The following ZCCHC4 variants were observed in gnomAD, a reference collection of about 807,000 sequenced individuals.
The protein encoded by ZCCHC4 is rRNA N(6)-adenosine-methyltransferase ZCCHC4.
A neutral mutation model predicts 67.7 loss-of-function variants in ZCCHC4; 54 were observed. The observed-to-expected ratio is 0.80, with a 90% CI of 0.64 to 1.00. ZCCHC4 has a LOEUF of 1.00. Among genes scored for constraint, ZCCHC4 ranks in the 50% least tolerant of loss-of-function variants. The probability of loss-of-function intolerance (pLI) is 0.00; values close to 1 mark genes in which losing one functional copy is unlikely to be tolerated. For missense variants in ZCCHC4, 609 were observed against 617.0 expected, an observed-to-expected ratio of 0.99 and a Z score of 0.14; for synonymous variants, 198 against 213.5, an observed-to-expected ratio of 0.93 and a Z score of 0.63.
At position 25,365,099 on chromosome 4, in the gene ZCCHC4, A is replaced by G. The variant is rs1291704300; in HGVS notation, c.1339A>G (p.Ile447Val). 1.2e-6 allele frequency: 2 copies of G among 1,614,180 alleles called. No homozygotes were observed. The highest frequency in any genetic ancestry group is 1.7e-6 in the Non-Finnish European group (2 of 1,180,012). The change falls in exon 12 of 13, where the codon ATT (isoleucine) becomes GTT (valine). Residue 447 changes from isoleucine to valine, a missense_variant. Coordinates refer to ENST00000302874, the MANE Select transcript of ZCCHC4 (RefSeq NM_024936.3). ...SCEGPKHGCF[I>V]CGELDHKRST... The stretch of plus-strand genomic sequence containing the variant: ...TGAGGGCCCCAAACATGGCTGCTTT[A>G]TTTGTGGTGAACTGGATCATAAACG...
Position 25,354,905 on chromosome 4 carries a change from CTT to C in ZCCHC4, c.1011+3235_1011+3236del, listed in dbSNP as rs61156499. ...CTTTTCCCATAGACCTTGATTAGGC[CTT>C]TTTTTTTTTTTTTTTTTTGGACATC... On this transcript the variant is annotated intron_variant, in intron 8 of 12. Transcript: ENST00000302874. 5.4e-3 allele frequency among the ~76,000 whole-genome samples: 551 copies of C among 101,500 alleles called. 5 individuals are homozygous for C. The highest frequency in any genetic ancestry group is 0.02 in the African/African-American group (506 of 25,426). 66.6% of individuals were successfully genotyped at this position (101,500 alleles called of 152,430 possible). A position where few individuals can be genotyped will look rare whatever the true frequency, so the allele number is the denominator to read the frequency against.
rs758999365 is a variant in ZCCHC4, at chr4:25,312,891, G to A, written c.82G>A (p.Val28Met). 1 of 1,612,964 alleles carries A rather than the reference G, an allele frequency of 6.2e-7. No individual in the cohort carries two copies. The highest frequency in any genetic ancestry group is 1.1e-5 in the South Asian group (1 of 91,020). ...GCRGSSGMEVVLPLDPAVPAP... is the reference protein window; with the variant it reads ...GCRGSSGMEVMLPLDPAVPAP... ...CCGGGGAAGCTCGGGAATGGAGGTGGTGCTTCCTTTGGATCCTGCCGTCCC... is the reference window on the plus strand; with the variant it reads ...CCGGGGAAGCTCGGGAATGGAGGTGATGCTTCCTTTGGATCCTGCCGTCCC... Residue 28 changes from valine to methionine, a missense_variant, in exon 1 of 13, where the codon GTG (valine) becomes ATG (methionine). By Grantham distance (21) the Val-to-Met change is conservative. Transcript: ENST00000302874.
chr4:25,349,161 T>C (rs1720166201), intron 6 of ZCCHC4, among the ~76,000 whole-genome samples: 1 of 152,224 alleles, frequency 6.6e-6, no homozygotes. Flanking sequence ...AAATTGAATT[T>C]AACATTTTAG....
chr4:25,331,403 C>T (rs1719174289), intron 3 of ZCCHC4, among the ~76,000 whole-genome samples: 1 of 152,080 alleles, frequency 6.6e-6, no homozygotes, highest in African/African-American at 2.4e-5. Context: ...CTCCTGGGCT[C>T]AAGTGATCCT....
intron 3 of ZCCHC4, among the ~76,000 whole-genome samples, chr4:25,331,570 G>A (rs1719183491): frequency 6.6e-6 from 1 of 152,210 alleles, no homozygotes; most frequent in Admixed American, 6.5e-5. Flanking sequence ...GGCTCCCAAA[G>A]TGCTGGGATT....
chr4:25,355,207 C>CT (rs1284948612), intron 8 of ZCCHC4, among the ~76,000 whole-genome samples: 1 of 152,174 alleles, frequency 6.6e-6, no homozygotes, highest in Admixed American at 6.5e-5. Flanking sequence ...AGTCAGAAGT[C>CT]TGAGTCCTGG....
intron 3 of ZCCHC4, among the ~76,000 whole-genome samples, chr4:25,316,057 A>G (rs1458661621): frequency 6.6e-6 from 1 of 152,156 alleles, no homozygotes; most frequent in Non-Finnish European, 1.5e-5. Context: ...TGTGTACCTC[A>G]TACAAGTGAG....
rs142150052 is a variant in ZCCHC4 at position 25,330,218 on chromosome 4, T to G, written c.330-2965T>G. Among the ~76,000 whole-genome samples the G allele has an allele frequency of 6.8e-3, 1,028 of 152,296 alleles. 10 individuals are homozygous for G. The highest frequency in any genetic ancestry group is 0.023 in the African/African-American group (966 of 41,572). On this transcript the variant is annotated intron_variant, in intron 3 of 12. Transcript: ENST00000302874. ...GTTGGCCAGGCTGGTCTCAAACTCC[T>G]GACCTCAGGTGATCCACTGACCTCA... is the stretch of plus-strand genomic sequence containing the variant.
Position 25,362,368 on chromosome 4 carries a change from ATTAC to A in ZCCHC4, c.1209+70_1209+73del, listed in dbSNP as rs1255838844. Reference sequence around the variant, plus strand: ...CATTTTATTTTAGTTTACTAGTTTTATTACTTTTTCAATGTTATTTTGTTAATAG... The same window carrying A: ...CATTTTATTTTAGTTTACTAGTTTTATTTTTCAATGTTATTTTGTTAATAG... On this transcript the variant is annotated intron_variant, in intron 10 of 12. Coordinates refer to ENST00000302874, the MANE Select transcript of ZCCHC4 (RefSeq NM_024936.3). 5 of 1,093,886 alleles carry A rather than the reference ATTAC, an allele frequency of 4.6e-6. No individual in the cohort carries two copies. The African/African-American group carries it at 8.1e-5, about 18-fold the overall frequency. 67.8% of individuals were successfully genotyped at this position (1,093,886 alleles called of 1,614,324 possible). A position where few individuals can be genotyped will look rare whatever the true frequency, so the allele number is the denominator to read the frequency against.
chr4:25,368,909 A>G, intron 12 of ZCCHC4, 120 bp from the exon 13 acceptor site: 1 of 1,212,206 alleles, frequency 8.2e-7, no homozygotes, highest in East Asian at 2.6e-5. Context: ...TGCTTGCAAT[A>G]CAGTAGATTC....
chr4:25,364,993 T>G, intron 11 of ZCCHC4, 29 bp from the exon 12 acceptor site: 2 of 1,611,332 alleles, frequency 1.2e-6, no homozygotes, highest in Non-Finnish European at 1.7e-6. Flanking sequence ...TACATGAACT[T>G]CCTTTAAAAC....
intron 1 of ZCCHC4, 79 bp from the exon 2 acceptor site, chr4:25,313,967 A>T: frequency 2.5e-6 from 2 of 811,204 alleles, no homozygotes; most frequent in Admixed American, 2.3e-5. Flanking sequence ...AATTTTATTT[A>T]AGGGCAGCGA....
chr4:25,352,275 C>T, intron 8 of ZCCHC4: 4 of 985,454 alleles, frequency 4.1e-6, no homozygotes, highest in Non-Finnish European at 4.8e-6. Context: ...GAGAATGAGG[C>T]TGCTGTCCAC....
At chr4:25,321,535 G>T (rs1577725289) in intron 3 of ZCCHC4, among the ~76,000 whole-genome samples, 1 of 152,082 alleles carries the variant, frequency 6.6e-6, no homozygotes, top group African/African-American at 2.4e-5. Context: ...ACCACGCCCA[G>T]CTAATTTTTG....
intron 8 of ZCCHC4, among the ~76,000 whole-genome samples, chr4:25,356,132 T>C (rs536686142): frequency 6.6e-6 from 1 of 152,354 alleles, no homozygotes; most frequent in African/African-American, 2.4e-5. Flanking sequence ...GCAGAGATTT[T>C]GTGCTTTCCC....
Position 25,335,435 on chromosome 4 carries a change from G to A in ZCCHC4, c.686+1447G>A, listed in dbSNP as rs60762798. 6.8e-3 allele frequency among the ~76,000 whole-genome samples: 1,029 copies of A among 152,156 alleles called. 9 individuals are homozygous for A. The highest frequency in any genetic ancestry group is 0.023 in the African/African-American group (965 of 41,502). ...TGCACTCCAGCCTGGGTGACAGAGCGGGACTCAGTCTCAAAAAAGATAATA... is the reference window on the plus strand; with the variant it reads ...TGCACTCCAGCCTGGGTGACAGAGCAGGACTCAGTCTCAAAAAAGATAATA... On this transcript the variant is annotated intron_variant, in intron 5 of 12. Transcript: ENST00000302874.
intron 8 of ZCCHC4, among the ~76,000 whole-genome samples, chr4:25,352,721 C>T (rs760476868): frequency 3.3e-5 from 5 of 152,210 alleles, no homozygotes; most frequent in South Asian, 2.1e-4. Flanking sequence ...AGCCTGCTTC[C>T]TCTTTTTGTA....
intron 3 of ZCCHC4, among the ~76,000 whole-genome samples, chr4:25,320,109 C>T (rs147724364): frequency 1.5e-3 from 233 of 152,026 alleles, no homozygotes; most frequent in African/African-American, 5.3e-3. Context: ...TTTTTCTAAT[C>T]TCACTCTTTG....
intron 8 of ZCCHC4, among the ~76,000 whole-genome samples, chr4:25,358,295 A>G (rs1432782397): frequency 6.6e-6 from 1 of 152,186 alleles, no homozygotes; most frequent in Middle Eastern, 3.2e-3. Context: ...ACATTATCTC[A>G]TTTAACCTTC....
Sources: allele counts gnomAD v4.1 joint callset (sites outside exome capture counted in the v4.1 genomes callset), GRCh38; gene constraint gnomAD v4.1.1; transcripts MANE v1.5; gene names NCBI Gene and HGNC (gene_info 2026-07-23, HGNC 2026-07-21).